ANO3: variants seen among roughly 807,000 people sequenced by gnomAD.
The protein encoded by ANO3 is anoctamin-3.
A neutral mutation model predicts 144.8 loss-of-function variants in ANO3; 99 were observed. The ratio of observed to expected loss-of-function variants is 0.68; its 90% confidence interval spans 0.58 to 0.81. The LOEUF is 0.81. Among genes scored for constraint, ANO3 ranks in the 30% least tolerant of loss-of-function variants. The pLI is 0.00. For missense variants in ANO3, 905 were observed against 1,202.2 expected, an observed-to-expected ratio of 0.75 and a Z score of 3.66; for synonymous variants, 414 against 392.6, an observed-to-expected ratio of 1.05 and a Z score of -0.64.
intron 1 of ANO3, among the ~76,000 whole-genome samples, chr11:26,304,376 T>C (rs1412091368): frequency 6.6e-6 from 1 of 152,166 alleles, no homozygotes; most frequent in Non-Finnish European, 1.5e-5. Context: ...GGAGTACTAA[T>C]TGCCTTTTTA....
chr11:26,198,047 C>T (rs917306052), intron 1 of ANO3, among the ~76,000 whole-genome samples: 3 of 152,092 alleles, frequency 2.0e-5, no homozygotes, highest in Non-Finnish European at 4.4e-5. Flanking sequence ...TGAGTGAGGA[C>T]CTCCTCCCAT....
intron 8 of ANO3, among the ~76,000 whole-genome samples, chr11:26,534,245 AC>A (rs1437034167): frequency 6.6e-6 from 1 of 152,236 alleles, no homozygotes; most frequent in Non-Finnish European, 1.5e-5. Flanking sequence ...AAATAGGAAC[AC>A]TTATAAACTG....
At chr11:26,488,663 A>G (rs2134101688) in intron 4 of ANO3, among the ~76,000 whole-genome samples, 1 of 152,164 alleles carries the variant, frequency 6.6e-6, no homozygotes, top group South Asian at 2.1e-4. Context: ...TGTTCCTCCC[A>G]GTGGGTTCAT....
chr11:26,443,796 G>C lies in ANO3; in HGVS notation c.273G>C (p.Val91=), dbSNP rs776094174. The C allele has an allele frequency of 1.2e-5, 19 of 1,611,554 alleles. No individual in the cohort carries two copies. The African/African-American group carries it at 1.7e-4, about 15-fold the overall frequency. Residue 91 remains valine, a synonymous_variant, in exon 3 of 27, where the codon GTG becomes GTC. Coordinates refer to ENST00000256737, the MANE Select transcript of ANO3 (RefSeq NM_031418.4). ...VNTEENKNDS[V]LRCSFADLSD... is the part of the protein sequence containing the mutation. Reference sequence around the variant, plus strand: ...CTGAGGAGAATAAAAACGACTCTGTGCTGAGATGTTCATTTGCTGACCTCA... The same window carrying C: ...CTGAGGAGAATAAAAACGACTCTGTCCTGAGATGTTCATTTGCTGACCTCA...
intron 1 of ANO3, among the ~76,000 whole-genome samples, chr11:26,320,412 A>T (rs925290773): frequency 2.6e-5 from 4 of 152,206 alleles, no homozygotes; most frequent in African/African-American, 7.2e-5. Context: ...AGCAGATATG[A>T]CAAAACACAC....
At chr11:26,359,909 A>T (rs1364682395) in intron 1 of ANO3, among the ~76,000 whole-genome samples, 1 of 147,646 alleles carries the variant, frequency 6.8e-6, no homozygotes, top group Non-Finnish European at 1.5e-5. Context: ...GTAAATTTTT[A>T]TTTATATATA....
intron 17 of ANO3, among the ~76,000 whole-genome samples, chr11:26,623,545 G>C (rs1852483486): frequency 6.6e-6 from 1 of 152,118 alleles, no homozygotes; most frequent in African/African-American, 2.4e-5. Context: ...GATGGCAGAA[G>C]AGGAAAAGTA....
rs1347083825 is a variant in ANO3, at chr11:26,283,743, A to AAGAC, written c.155-25897_155-25894dup. Among the ~76,000 whole-genome samples the AAGAC allele has an allele frequency of 2.6e-5, 4 of 152,262 alleles. No homozygotes were observed. The East Asian group carries it at 7.7e-4, about 29-fold the overall frequency. On this transcript the variant is annotated intron_variant, in intron 1 of 27. Coordinates refer to the ANO3 transcript ENST00000672621. ...GGGTACTAGAAATCTAATGGTTAACAAGACAGACTTGATGCCTTAAATTCT... is the reference window on the plus strand; with the variant it reads ...GGGTACTAGAAATCTAATGGTTAACAAGACAGACAGACTTGATGCCTTAAATTCT...
chr11:26,468,559 A>G (rs956591704), intron 4 of ANO3, among the ~76,000 whole-genome samples: 2 of 151,966 alleles, frequency 1.3e-5, no homozygotes, highest in Non-Finnish European at 2.9e-5. Context: ...GACTGGAGAC[A>G]CTGGTCATAT....
chr11:26,305,289 C>T (rs1290522200), upstream of ANO3, among the ~76,000 whole-genome samples: 1 of 151,818 alleles, frequency 6.6e-6, no homozygotes, highest in African/African-American at 2.4e-5. Flanking sequence ...ATTGAGTCAG[C>T]GTATGATTAA....
intron 6 of ANO3, among the ~76,000 whole-genome samples, chr11:26,517,666 G>A (rs1861911496): frequency 6.6e-6 from 1 of 152,024 alleles, no homozygotes; most frequent in Non-Finnish European, 1.5e-5. Context: ...CAAACAGAAT[G>A]CCAAGTAAGA....
intron 1 of ANO3, among the ~76,000 whole-genome samples, chr11:26,431,054 G>T (rs1266251303): frequency 6.6e-6 from 1 of 152,172 alleles, no homozygotes; most frequent in Non-Finnish European, 1.5e-5. Flanking sequence ...CAGTATGGTT[G>T]TCATCAGCCA....
chr11:26,656,467 A>G lies in ANO3; in HGVS notation c.2749A>G (p.Ile917Val), dbSNP rs748077376. The G allele has an allele frequency of 6.9e-6, 11 of 1,605,628 alleles. No individual in the cohort carries two copies. The highest frequency in any genetic ancestry group is 1.3e-5 in the African/African-American group (1 of 74,854). The change falls in exon 26 of 27, where the codon ATT becomes GTT. Residue 917 changes from isoleucine to valine, a missense_variant. By Grantham distance (29) the Ile-to-Val change is conservative (BLOSUM62 3). Coordinates refer to ENST00000256737, the MANE Select transcript of ANO3 (RefSeq NM_031418.4). ...TATCCTTGCTGCTAGATTGGCCTTC[A>G]TTATTGTGTTTGAGGTTAGTCACAA... ...WHILAARLAFIIVFEHLVFGI... is the reference protein window; with the variant it reads ...WHILAARLAFVIVFEHLVFGI...
intron 4 of ANO3, among the ~76,000 whole-genome samples, chr11:26,484,382 G>T (rs993176300): frequency 6.6e-6 from 1 of 152,110 alleles, no homozygotes. Context: ...TGGCTAAAAG[G>T]CCCCATATAT....
intron 1 of ANO3, among the ~76,000 whole-genome samples, chr11:26,394,669 C>A (rs535729141): frequency 1.3e-5 from 2 of 151,624 alleles, no homozygotes; most frequent in African/African-American, 4.8e-5. Context: ...CCTCCGCCTC[C>A]CAGGTTCAAG....
intron 1 of ANO3, among the ~76,000 whole-genome samples, chr11:26,316,029 A>G (rs2133874809): frequency 6.6e-6 from 1 of 152,206 alleles, no homozygotes; most frequent in East Asian, 1.9e-4. Flanking sequence ...AGGGGTAAAT[A>G]GGAAATAGAA....
chr11:26,273,243 TTTA>T (rs200764828), intron 1 of ANO3, among the ~76,000 whole-genome samples: 28 of 147,334 alleles, frequency 1.9e-4, no homozygotes, highest in African/African-American at 5.3e-4. Context: ...TTTTTTTTTT[TTTA>T]TATTGGACAA....
chr11:26,241,217 T>G (rs1407205339), intron 1 of ANO3, among the ~76,000 whole-genome samples: 2 of 152,150 alleles, frequency 1.3e-5, no homozygotes, highest in African/African-American at 4.8e-5. Flanking sequence ...CCCAGCCACG[T>G]GGAACTGTAA....
At chr11:26,518,273 A>G (rs1383333816) in intron 6 of ANO3, among the ~76,000 whole-genome samples, 1 of 152,060 alleles carries the variant, frequency 6.6e-6, no homozygotes, top group Non-Finnish European at 1.5e-5. Flanking sequence ...CTTATTACAG[A>G]TGATAATATA....
Sources: gnomAD v4.1 joint callset for allele counts (sites outside exome capture counted in the v4.1 genomes callset) on GRCh38, gnomAD v4.1.1 for gene constraint, MANE v1.5 for transcripts, NCBI Gene and HGNC (gene_info 2026-07-23, HGNC 2026-07-21) for gene names.